Variants in ERC2 observed in about 807,000 individuals in gnomAD.
ERC2 encodes the protein ELKS/RAB6-interacting/CAST family member 2, also known as ERC protein 2.
A neutral mutation model predicts 114.8 loss-of-function variants in ERC2; 42 were observed. That is an observed-to-expected ratio of 0.37 (90% CI 0.29 to 0.47). The LOEUF is 0.47. Ranked by LOEUF, ERC2 falls within the 20% of genes least tolerant of loss-of-function variation. The pLI, the probability that ERC2 is intolerant of heterozygous loss-of-function variation, is 0.99. For missense variants in ERC2, 939 were observed against 1,150.7 expected (o/e 0.82, Z 2.66); for synonymous variants, 454 against 425.5 (o/e 1.07, Z -0.82).
intron 2 of ERC2, among the ~76,000 whole-genome samples, chr3:56,417,245 T>C (rs570989678): frequency 2.6e-5 from 4 of 152,320 alleles, no homozygotes; most frequent in African/African-American, 9.6e-5. Flanking sequence ...CAGATAATAG[T>C]GTTTACTGGG....
intron 3 of ERC2, among the ~76,000 whole-genome samples, chr3:56,228,140 A>G (rs1301472248): frequency 6.6e-6 from 1 of 152,182 alleles, no homozygotes; most frequent in African/African-American, 2.4e-5. Flanking sequence ...GAAACTTCCT[A>G]TATTTTCATC....
At chr3:56,034,269 A>T (rs1442505176) in intron 7 of ERC2, among the ~76,000 whole-genome samples, 1 of 152,176 alleles carries the variant, frequency 6.6e-6, no homozygotes, top group Non-Finnish European at 1.5e-5. Context: ...TCATTTCATC[A>T]AGAAGGTAAA....
At chr3:55,544,320 G>T (rs1429039215) in intron 17 of ERC2, among the ~76,000 whole-genome samples, 1 of 152,170 alleles carries the variant, frequency 6.6e-6, no homozygotes, top group East Asian at 1.9e-4. Flanking sequence ...ATGTGGCCCA[G>T]TGATGGGCTA....
chr3:56,247,127 A>C (rs1173240266), intron 3 of ERC2, among the ~76,000 whole-genome samples: 1 of 152,220 alleles, frequency 6.6e-6, no homozygotes, highest in Non-Finnish European at 1.5e-5. Context: ...GCTTTCCAAA[A>C]TTTCAAATCC....
intron 13 of ERC2, among the ~76,000 whole-genome samples, chr3:55,916,764 T>C (rs779347027): frequency 6.6e-6 from 1 of 152,140 alleles, no homozygotes; most frequent in African/African-American, 2.4e-5. Context: ...ACTTCCTTCA[T>C]AGCATATATT....
intron 14 of ERC2, among the ~76,000 whole-genome samples, chr3:55,783,129 G>A (rs945853966): frequency 6.6e-6 from 1 of 152,146 alleles, no homozygotes; most frequent in Non-Finnish European, 1.5e-5. Flanking sequence ...AATGCTCCCT[G>A]GAAGGATGCA....
rs549472549 is a variant in ERC2, at chr3:55,914,344, C to T, written c.2404-25795G>A. ...AAACTAGGGGCTGGAGACTGGGTCT[C>T]TTATCTTTAAATGTTACATTATTCT... On this transcript the variant is annotated intron_variant, in intron 13 of 17. Transcript: ENST00000288221. Among the ~76,000 whole-genome samples the T allele has an allele frequency of 5.3e-5, 8 of 152,244 alleles. No individual in the cohort carries two copies. The East Asian group carries it at 1.2e-3, about 22-fold the overall frequency.
intron 14 of ERC2, among the ~76,000 whole-genome samples, chr3:55,764,788 TA>T (rs2149005037): frequency 6.6e-6 from 1 of 152,362 alleles, no homozygotes; most frequent in Non-Finnish European, 1.5e-5. Flanking sequence ...ATCTAGAGGC[TA>T]AATATAGAGA....
chr3:56,004,981 G>C (rs550443535), intron 10 of ERC2, among the ~76,000 whole-genome samples: 46 of 148,782 alleles, frequency 3.1e-4, no homozygotes, highest in African/African-American at 1.1e-3. Flanking sequence ...TTTTTAAGGT[G>C]ATGGGTATTT....
At chr3:55,959,509 C>G (rs1452519737) in intron 12 of ERC2, among the ~76,000 whole-genome samples, 1 of 152,146 alleles carries the variant, frequency 6.6e-6, no homozygotes, top group East Asian at 1.9e-4. Context: ...ACAGGAAACT[C>G]CAAGGAAAAA....
chr3:56,394,525 A>G (rs2060236164), intron 2 of ERC2, among the ~76,000 whole-genome samples: 2 of 152,220 alleles, frequency 1.3e-5, no homozygotes, highest in African/African-American at 4.8e-5. Flanking sequence ...CAATTAAAAG[A>G]CAAATAATCC....
At chr3:55,942,179 C>T (rs185555271) in intron 13 of ERC2, among the ~76,000 whole-genome samples, 88 of 146,002 alleles carry the variant, frequency 6.0e-4, no homozygotes, top group Non-Finnish European at 5.7e-4. Flanking sequence ...CCTCTAGGAT[C>T]GTGGGCAGGT....
intron 17 of ERC2, among the ~76,000 whole-genome samples, chr3:55,618,928 G>A (rs891829546): frequency 6.8e-4 from 104 of 152,164 alleles, no homozygotes; most frequent in Non-Finnish European, 2.1e-4. Context: ...AGTAGAGAAC[G>A]CTGATGGATT....
At chr3:55,919,362 T>C (rs1265100236) in intron 13 of ERC2, among the ~76,000 whole-genome samples, 1 of 152,084 alleles carries the variant, frequency 6.6e-6, no homozygotes, top group Non-Finnish European at 1.5e-5. Flanking sequence ...CTAGGCAACA[T>C]AGTAAGACCG....
At position 55,733,534 on chromosome 3, in the gene ERC2, T is replaced by TCACACACACA. The variant is rs1222363948; in HGVS notation, c.2712+1236_2712+1237insTGTGTGTGTG. ...CATTCTCTCTGTCTCTCATTCTTTC[T>TCACACACACA]CTCTCTCTCACACACACACACACAC... On this transcript the variant is annotated intron_variant, in intron 15 of 17. Coordinates refer to ENST00000288221, the MANE Select transcript of ERC2 (RefSeq NM_015576.3). 1.8e-4 allele frequency among the ~76,000 whole-genome samples: 10 copies of TCACACACACA among 55,468 alleles called. No homozygotes were observed. The Admixed American group carries it at 1.8e-3, about 10-fold the overall frequency. 36.4% of individuals were successfully genotyped at this position (55,468 alleles called of 152,430 possible).
chr3:56,195,494 T>TGTGC (rs1441490649), intron 3 of ERC2, among the ~76,000 whole-genome samples: 1 of 78,746 alleles, frequency 1.3e-5, no homozygotes, highest in East Asian at 3.9e-4. Context: ...TGTGTGTGCG[T>TGTGC]GTGTGCGTGT....
At chr3:56,060,800 T>C (rs1246764263) in intron 7 of ERC2, among the ~76,000 whole-genome samples, 3 of 152,226 alleles carry the variant, frequency 2.0e-5, no homozygotes, top group Admixed American at 6.5e-5. Flanking sequence ...CCAATTCTCA[T>C]TGAGGGTCTC....
chr3:56,119,864 A>G (rs2079473252), intron 6 of ERC2, among the ~76,000 whole-genome samples: 1 of 152,246 alleles, frequency 6.6e-6, no homozygotes, highest in Non-Finnish European at 1.5e-5. Context: ...TTGTCTTGAT[A>G]TCCAAGCCTT....
At chr3:55,749,880 C>CT (rs2066568467) in intron 14 of ERC2, among the ~76,000 whole-genome samples, 1 of 152,182 alleles carries the variant, frequency 6.6e-6, no homozygotes, top group Non-Finnish European at 1.5e-5. Context: ...AGGTCTACGA[C>CT]TTCATTCTTG....
Sources: allele counts gnomAD v4.1 joint callset (sites outside exome capture counted in the v4.1 genomes callset), GRCh38; gene constraint gnomAD v4.1.1; transcripts MANE v1.5; gene names NCBI Gene and HGNC (gene_info 2026-07-23, HGNC 2026-07-21).